The following MGST3 variants were observed in gnomAD, a reference collection of about 807,000 sequenced individuals.
The protein encoded by MGST3 is microsomal glutathione S-transferase 3, also known as glutathione S-transferase 3, mitochondrial.
A neutral mutation model predicts 15.8 loss-of-function variants in MGST3; 13 were observed. That is an observed-to-expected ratio of 0.82 (90% CI 0.54 to 1.31). The LOEUF is 1.31. MGST3 is among the 50% of genes most tolerant of loss of function. The pLI is 0.00. For missense variants in MGST3, 155 were observed against 192.4 expected (o/e 0.81, Z 1.15); for synonymous variants, 49 against 68.1 (o/e 0.72, Z 1.38).
At chr1:165,639,686 C>T (rs1463405628) in intron 1 of MGST3, among the ~76,000 whole-genome samples, 2 of 152,028 alleles carry the variant, frequency 1.3e-5, no homozygotes, top group African/African-American at 4.8e-5. Flanking sequence ...GCCTGTGATC[C>T]CAGCTACTCT....
chr1:165,650,153 G>A, intron 2 of MGST3, 189 bp downstream of exon 2: 1 of 722,288 alleles, frequency 1.4e-6, no homozygotes, highest in Non-Finnish European at 2.3e-6. Flanking sequence ...CCCTGCTAGG[G>A]AGTAGTTTCC....
chr1:165,639,574 AG>A, intron 1 of MGST3, among the ~76,000 whole-genome samples: 1 of 152,276 alleles, frequency 6.6e-6, no homozygotes, highest in Middle Eastern at 3.4e-3. Flanking sequence ...AGGCTGAGGC[AG>A]GTGGACTGCT....
At chr1:165,639,319 CAGTCTGCCT>C (rs1390453764) in intron 1 of MGST3, among the ~76,000 whole-genome samples, 2 of 152,230 alleles carry the variant, frequency 1.3e-5, no homozygotes, top group Non-Finnish European at 2.9e-5. Flanking sequence ...ACACTGGCAT[CAGTCTGCCT>C]GTATTCAGAC....
intron 1 of MGST3, among the ~76,000 whole-genome samples, chr1:165,641,901 A>T (rs1648273906): frequency 6.6e-6 from 1 of 152,254 alleles, no homozygotes; most frequent in Non-Finnish European, 1.5e-5. Flanking sequence ...TTAAAAAAAT[A>T]GATAATTCAA....
intron 1 of MGST3, chr1:165,646,367 A>T (rs1648402574): frequency 6.6e-6 from 1 of 152,212 alleles, no homozygotes; most frequent in African/African-American, 2.4e-5. Flanking sequence ...AGTTTTTTTG[A>T]ATGTTGATTT....
chr1:165,638,944 G>A (rs1310489950), intron 1 of MGST3, among the ~76,000 whole-genome samples: 1 of 152,106 alleles, frequency 6.6e-6, no homozygotes. Flanking sequence ...CAAGGATGTC[G>A]GCACTTGCCA....
intron 4 of MGST3, 154 bp from the exon 5 acceptor site, chr1:165,654,125 A>G: frequency 1.4e-6 from 1 of 736,460 alleles, no homozygotes; most frequent in Non-Finnish European, 2.4e-6. Flanking sequence ...TCCCGCTGAA[A>G]CTAACTTAAT....
At chr1:165,647,536 G>A (rs2101721410) in intron 1 of MGST3, 1 of 152,268 alleles carries the variant, frequency 6.6e-6, no homozygotes, top group South Asian at 2.1e-4. Context: ...GCTAATAGGA[G>A]TTTTGTGAAG....
At chr1:165,634,129 G>T (rs2101712570) in intron 1 of MGST3, among the ~76,000 whole-genome samples, 1 of 142,140 alleles carries the variant, frequency 7.0e-6, no homozygotes, top group East Asian at 2.2e-4. Flanking sequence ...AATGTATTTT[G>T]TACTCAGGAG....
At chr1:165,646,296 G>T (rs191280848) in intron 1 of MGST3, 48 of 152,376 alleles carry the variant, frequency 3.2e-4, no homozygotes, top group African/African-American at 1.1e-3. Context: ...ACTCTCTAAG[G>T]AGTGGGAATA....
In MGST3 at chr1:165,652,029, C is replaced by A; in HGVS notation, c.243C>A (p.Tyr81Ter). The change falls in exon 4 of 6, where the codon TAC becomes TAA. Residue 81 changes from tyrosine (Y) to a stop codon, truncating the protein, a stop_gained. Coordinates refer to ENST00000367889, the MANE Select transcript of MGST3 (RefSeq NM_004528.4). LOFTEE classifies it high-confidence loss of function. ...TTTTTCTAGCTGTTGGAGGTGTTTA[C>A]CACCCGGTAAGTTTTCCAGGAGGTG... ...FLFFLAVGGV[Y>*]HPRIASGLGL... 6.2e-7 allele frequency: 1 copy of A among 1,612,236 alleles called. No individual in the cohort carries two copies. Among genetic ancestry groups the A allele is most frequent in the Non-Finnish European group, 8.5e-7 (1 of 1,178,486 alleles).
At position 165,641,731 on chromosome 1, in the gene MGST3, T is replaced by G. The variant is rs9333429; in HGVS notation, c.-7-8110T>G. ...GATACATCCTAAAGCTTGCAGGGGCTATGTATGAATACAGGTCTGTCTGAC... is the reference window on the plus strand; with the variant it reads ...GATACATCCTAAAGCTTGCAGGGGCGATGTATGAATACAGGTCTGTCTGAC... On this transcript the variant is annotated intron_variant, in intron 1 of 5. Transcript: ENST00000367889. Among the ~76,000 whole-genome samples, 1,494 of 152,342 alleles carry G rather than the reference T, an allele frequency of 9.8e-3. 50 individuals are homozygous for G. The highest frequency in any genetic ancestry group is 0.059 in the Admixed American group (899 of 15,300).
Position 165,649,970 on chromosome 1 carries a change from T to C in MGST3, c.117+6T>C, listed in dbSNP as rs186776981. The C allele has an allele frequency of 1.1e-4, 173 of 1,613,920 alleles. 2 individuals carry two copies. In the Admixed American group the frequency reaches 2.8e-3, roughly 27 times the overall value. On this transcript the variant is annotated splice_donor_region_variant and intron_variant, in intron 2 of 5. Coordinates refer to ENST00000367889, the MANE Select transcript of MGST3 (RefSeq NM_004528.4). ...GCAAGAAGTACAAAGTGGAGGTAAG[T>C]GGGAACACAAGCTGGTGCCCTTGTA...
At chr1:165,632,152 G>C (rs1005685259) in intron 1 of MGST3, 86 of 1,233,884 alleles carry the variant, frequency 7.0e-5, no homozygotes, top group Non-Finnish European at 9.7e-5. Context: ...AGTAAGTGTG[G>C]AAGACGAGGT....
rs1648687008 is a variant in MGST3, at chr1:165,655,577, T to C, written c.*73T>C. 6.4e-7 allele frequency: 1 copy of C among 1,569,348 alleles called. No homozygotes were observed. The highest frequency in any genetic ancestry group is 8.7e-7 in the Non-Finnish European group (1 of 1,150,750). ...TTTATTTCCAGTTACATTTTTTTTC[T>C]AAATATAATAAAAACTTACCTGGCA... On this transcript the variant is annotated 3_prime_UTR_variant, in exon 6 of 6. Transcript: ENST00000367889.
intron 1 of MGST3, among the ~76,000 whole-genome samples, chr1:165,639,231 T>C (rs1648201862): frequency 6.6e-6 from 1 of 152,174 alleles, no homozygotes; most frequent in Non-Finnish European, 1.5e-5. Context: ...CCTCGGTGCT[T>C]CCCGTACTGG....
rs115031046 is a variant in MGST3, at chr1:165,650,048, G to A, written c.117+84G>A. ...CAAGAACTTATTTTCAGCCATGGAG[G>A]GAGAGGCAAGGAGCTAGTTGTGAGA... On this transcript the variant is annotated intron_variant, in intron 2 of 5. Coordinates refer to ENST00000367889, the MANE Select transcript of MGST3 (RefSeq NM_004528.4). The A allele has an allele frequency of 2.4e-4, 383 of 1,584,968 alleles. No homozygotes were observed. In the African/African-American group the frequency reaches 4.3e-3, roughly 18 times the overall value.
rs943708640 is a variant in MGST3, at chr1:165,655,835, C to G, written c.*331C>G. 3.0e-6 allele frequency: 1 copy of G among 331,654 alleles called. No homozygotes were observed. The highest frequency in any genetic ancestry group is 5.7e-6 in the Non-Finnish European group (1 of 174,794). 20.5% of individuals were successfully genotyped at this position (331,654 alleles called of 1,614,324 possible). A position where few individuals can be genotyped will look rare whatever the true frequency, so the allele number is the denominator to read the frequency against. ...AAAATTAAAGAAAAATCTTCTAGCTCTCAGGATATGCATTATCACTTGCTA... is the reference window on the plus strand; with the variant it reads ...AAAATTAAAGAAAAATCTTCTAGCTGTCAGGATATGCATTATCACTTGCTA... On this transcript the variant is annotated 3_prime_UTR_variant, in exon 6 of 6. Coordinates refer to ENST00000367889, the MANE Select transcript of MGST3 (RefSeq NM_004528.4).
In MGST3 at chr1:165,655,613, A is replaced by G; in HGVS notation, c.*109A>G. On this transcript the variant is annotated 3_prime_UTR_variant, in exon 6 of 6. Transcript: ENST00000367889. Reference sequence around the variant, plus strand: ...AAAACTTACCTGGCATCAGCCTCATACCTAAAACTCCTGACTCTTACCACT... The same window carrying G: ...AAAACTTACCTGGCATCAGCCTCATGCCTAAAACTCCTGACTCTTACCACT... The G allele has an allele frequency of 7.5e-7, 1 of 1,329,446 alleles. No individual in the cohort carries two copies. The highest frequency in any genetic ancestry group is 1.1e-6 in the Non-Finnish European group (1 of 952,148). 82.4% of individuals were successfully genotyped at this position (1,329,446 alleles called of 1,614,324 possible).
Sources: allele counts gnomAD v4.1 joint callset (sites outside exome capture counted in the v4.1 genomes callset), GRCh38; gene constraint gnomAD v4.1.1; transcripts MANE v1.5; gene names NCBI Gene and HGNC (gene_info 2026-07-23, HGNC 2026-07-21).